The following GRM5 variants were observed in gnomAD, a reference collection of about 807,000 sequenced individuals.
GRM5 encodes glutamate metabotropic receptor 5, also known as metabotropic glutamate receptor 5.
In GRM5, 19 loss-of-function variants were observed where a neutral mutation model predicts 83.1. That is an observed-to-expected ratio of 0.23 (90% confidence interval 0.16 to 0.34). The LOEUF is 0.34. GRM5 is among the 10% of genes least tolerant of loss of function. The probability of loss-of-function intolerance (pLI) is 1.00; values close to 1 mark genes in which losing one functional copy is unlikely to be tolerated. For missense variants in GRM5, 1,160 were observed against 1,588.3 expected, an observed-to-expected ratio of 0.73 and a Z score of 4.58; for synonymous variants, 675 against 633.6, an observed-to-expected ratio of 1.07 and a Z score of -0.98.
At chr11:88,951,306 A>G (rs1019825914) in intron 2 of GRM5, among the ~76,000 whole-genome samples, 1 of 152,220 alleles carries the variant, frequency 6.6e-6, no homozygotes, top group Non-Finnish European at 1.5e-5. Flanking sequence ...AGATTGAAGT[A>G]AAAGAAAATT....
intron 4 of GRM5, among the ~76,000 whole-genome samples, chr11:88,651,888 A>G (rs1189575131): frequency 3.9e-5 from 6 of 152,100 alleles, no homozygotes; most frequent in Non-Finnish European, 5.9e-5. Flanking sequence ...GACTATCTCC[A>G]TCATTTCCCA....
intron 3 of GRM5, among the ~76,000 whole-genome samples, chr11:88,771,161 A>T (rs1942729085): frequency 6.6e-6 from 1 of 152,112 alleles, no homozygotes; most frequent in Non-Finnish European, 1.5e-5. Flanking sequence ...AGCCCCTTGA[A>T]TGTGGCTAGC....
intron 2 of GRM5, among the ~76,000 whole-genome samples, chr11:88,947,356 C>G (rs1245062258): frequency 6.6e-6 from 1 of 152,190 alleles, no homozygotes; most frequent in Admixed American, 6.5e-5. Context: ...TTCCAAAAAG[C>G]ATATTTACTT....
At chr11:88,555,156 G>A (rs1259956519) in intron 8 of GRM5, among the ~76,000 whole-genome samples, 3 of 152,110 alleles carry the variant, frequency 2.0e-5, no homozygotes, top group Non-Finnish European at 4.4e-5. Flanking sequence ...TTAAAACAGA[G>A]TTAATAATAT....
At chr11:88,660,014 C>A (rs1208496732) in intron 3 of GRM5, among the ~76,000 whole-genome samples, 1 of 152,190 alleles carries the variant, frequency 6.6e-6, no homozygotes, top group Admixed American at 6.5e-5. Context: ...TTATTCATTT[C>A]AATTTATTAA....
chr11:88,970,592 A>T (rs116158147), intron 2 of GRM5, among the ~76,000 whole-genome samples: 6,984 of 152,264 alleles, frequency 0.046, 523 homozygotes, highest in African/African-American at 0.16. Context: ...AAGTAATTAA[A>T]CTACTACATT....
intron 2 of GRM5, among the ~76,000 whole-genome samples, chr11:89,039,269 T>TG (rs1555067413): frequency 1.7e-4 from 25 of 145,222 alleles, no homozygotes; most frequent in Admixed American, 1.5e-3. Context: ...CGTTTCAAAA[T>TG]AAAAAAAAAA....
At chr11:88,684,076 A>G (rs779887005) in intron 3 of GRM5, among the ~76,000 whole-genome samples, 59 of 152,204 alleles carry the variant, frequency 3.9e-4, no homozygotes, top group Non-Finnish European at 1.0e-4. Context: ...TGTCCTGGGA[A>G]GAAGACACAA....
chr11:88,798,805 CA>C (rs4002396), intron 3 of GRM5, among the ~76,000 whole-genome samples: 600 of 55,388 alleles, frequency 0.011, 5 homozygotes, highest in East Asian at 0.086. Context: ...ATGAAAACAC[CA>C]AAAAAAAAAA....
chr11:88,679,494 G>GTA (rs1308088747), intron 3 of GRM5, among the ~76,000 whole-genome samples: 3 of 152,132 alleles, frequency 2.0e-5, no homozygotes, highest in East Asian at 3.9e-4. Context: ...TTTGGTTGCA[G>GTA]TATATATATA....
intron 3 of GRM5, among the ~76,000 whole-genome samples, chr11:88,825,176 T>A (rs1014838972): frequency 1.3e-5 from 2 of 152,122 alleles, no homozygotes; most frequent in African/African-American, 4.8e-5. Context: ...ATGCTAAGGA[T>A]CATCTCAGTT....
chr11:88,743,706 C>G (rs1942074835), intron 3 of GRM5, among the ~76,000 whole-genome samples: 1 of 152,102 alleles, frequency 6.6e-6, no homozygotes, highest in Non-Finnish European at 1.5e-5. Flanking sequence ...ACCAAACAGC[C>G]TGGCTGGAGG....
At chr11:88,791,135 A>T (rs989946827) in intron 3 of GRM5, among the ~76,000 whole-genome samples, 1 of 152,186 alleles carries the variant, frequency 6.6e-6, no homozygotes, top group Non-Finnish European at 1.5e-5. Context: ...TTATTCCTTA[A>T]TTAAAATTTA....
chr11:88,781,420 A>G (rs983248421), intron 3 of GRM5, among the ~76,000 whole-genome samples: 4 of 152,220 alleles, frequency 2.6e-5, no homozygotes, highest in African/African-American at 9.6e-5. Flanking sequence ...CACATCTTTC[A>G]TTTGTTCAAA....
chr11:88,957,847 G>C (rs1339555087), intron 2 of GRM5, among the ~76,000 whole-genome samples: 1 of 151,926 alleles, frequency 6.6e-6, no homozygotes, highest in Non-Finnish European at 1.5e-5. Flanking sequence ...TACAAAAAAA[G>C]TATCCAAATT....
At chr11:88,592,263 C>T (rs1937656558) in intron 6 of GRM5, among the ~76,000 whole-genome samples, 2 of 152,194 alleles carry the variant, frequency 1.3e-5, no homozygotes, top group Non-Finnish European at 2.9e-5. Flanking sequence ...TAATATCTAC[C>T]TTATAGGATT....
At chr11:88,943,530 A>G (rs1938179353) in intron 2 of GRM5, among the ~76,000 whole-genome samples, 1 of 152,006 alleles carries the variant, frequency 6.6e-6, no homozygotes, top group African/African-American at 2.4e-5. Flanking sequence ...CAAAACAAAA[A>G]CAAAGCTTAT....
intron 2 of GRM5, among the ~76,000 whole-genome samples, chr11:88,927,607 T>A (rs1461672211): frequency 6.6e-6 from 1 of 152,126 alleles, no homozygotes; most frequent in Non-Finnish European, 1.5e-5. Context: ...GCAACCAGAA[T>A]CCACACAAAT....
At chr11:88,819,689 C>T (rs1054196951) in intron 3 of GRM5, among the ~76,000 whole-genome samples, 1 of 152,042 alleles carries the variant, frequency 6.6e-6, no homozygotes, top group East Asian at 1.9e-4. Context: ...TTAAGGACTT[C>T]GTCTTAGTTA....
Sources: gnomAD v4.1 joint callset for allele counts (sites outside exome capture counted in the v4.1 genomes callset) on GRCh38, gnomAD v4.1.1 for gene constraint, MANE v1.5 for transcripts, NCBI Gene and HGNC (gene_info 2026-07-23, HGNC 2026-07-21) for gene names.